CDC42BPG: variants seen among roughly 807,000 people sequenced by gnomAD.
CDC42BPG encodes the protein CDC42 binding protein kinase gamma, also known as serine/threonine-protein kinase MRCK gamma.
CDC42BPG carries 157 observed loss-of-function variants against 192.2 expected under a neutral mutation model. The observed-to-expected ratio is 0.82, with a 90% CI of 0.72 to 0.93. The LOEUF (loss-of-function observed/expected upper bound fraction) is 0.93. CDC42BPG is among the 40% of genes least tolerant of loss of function. The pLI, the probability that CDC42BPG is intolerant of heterozygous loss-of-function variation, is 0.00. For missense variants in CDC42BPG, 1,992 were observed against 2,122.1 expected, an observed-to-expected ratio of 0.94 and a Z score of 1.20; for synonymous variants, 981 against 918.5, an observed-to-expected ratio of 1.07 and a Z score of -1.23.
chr11:64,836,651 A>G, intron 11 of CDC42BPG, 88 bp downstream of exon 11: 1 of 1,070,200 alleles, frequency 9.3e-7, no homozygotes, highest in Non-Finnish European at 1.3e-6. Flanking sequence ...CTCTCCCAGG[A>G]TCATACAGCT....
chr11:64,835,640 G>C lies in CDC42BPG; in HGVS notation c.1759-19C>G. 6.4e-7 allele frequency: 1 copy of C among 1,573,028 alleles called. No individual in the cohort carries two copies. Among genetic ancestry groups the C allele is most frequent in the Non-Finnish European group, 8.6e-7 (1 of 1,158,872 alleles). ...GGATGGTCTTGGGGACATGGAGGGG[G>C]TCAGGGCAGAGACCCAAGATGCCAT... On this transcript the variant is annotated intron_variant, in intron 14 of 36. Transcript: ENST00000342711.
At chr11:64,843,480 G>C (rs1943370668) in intron 1 of CDC42BPG, among the ~76,000 whole-genome samples, 1 of 152,106 alleles carries the variant, frequency 6.6e-6, no homozygotes, top group South Asian at 2.1e-4. Flanking sequence ...GGCACATCTA[G>C]GTGGCAGCCT....
At position 64,844,622 on chromosome 11, in the gene CDC42BPG, G is replaced by C; in HGVS notation, c.-53C>G. The C allele has an allele frequency of 8.2e-7, 1 of 1,215,770 alleles. No homozygotes were observed. Among genetic ancestry groups the C allele is most frequent in the Non-Finnish European group, 1.0e-6 (1 of 974,028 alleles). 75.3% of individuals were successfully genotyped at this position (1,215,770 alleles called of 1,614,324 possible). ...CTACAGTCTGGCCGCCCGCATGCCC[G>C]CCTGTCGGGCCGTCCGTCCGCCCAA... On this transcript the variant is annotated 5_prime_UTR_variant, in exon 1 of 37. Transcript: ENST00000342711.
chr11:64,839,828 G>T (rs1434656022), intron 5 of CDC42BPG, among the ~76,000 whole-genome samples: 1 of 152,160 alleles, frequency 6.6e-6, no homozygotes, highest in East Asian at 1.9e-4. Context: ...GGGGACGCAG[G>T]AGTCAGACTT....
At chr11:64,825,627 G>C (rs1222096040) in intron 36 of CDC42BPG, among the ~76,000 whole-genome samples, 1 of 152,176 alleles carries the variant, frequency 6.6e-6, no homozygotes, top group African/African-American at 2.4e-5. Flanking sequence ...GACGGGAGTG[G>C]GTGGATGTGT....
rs777201350 is a variant in CDC42BPG at position 64,838,626 on chromosome 11, C to A, written c.1125+28G>T. 3 of 1,607,294 alleles carry A rather than the reference C, an allele frequency of 1.9e-6. No individual in the cohort carries two copies. The African/African-American group carries it at 4.0e-5, about 21-fold the overall frequency. On this transcript the variant is annotated intron_variant, in intron 8 of 36. Transcript: ENST00000342711. ...AGCCAACAAGGGGGTAGGGCAGCTC[C>A]CCTCCTGCAGTGGCCTTTGCCACTC... is the stretch of plus-strand genomic sequence containing the variant.
At chr11:64,837,077 C>G in intron 9 of CDC42BPG, 58 bp from the exon 10 acceptor site, 1 of 1,348,828 alleles carries the variant, frequency 7.4e-7, no homozygotes, top group East Asian at 2.3e-5. Flanking sequence ...AGAGTCTCCT[C>G]CATCCTCCTG....
intron 11 of CDC42BPG, 29 bp downstream of exon 11, chr11:64,836,710 G>GGA (rs1555173131): frequency 2.8e-6 from 2 of 704,790 alleles, no homozygotes; most frequent in East Asian, 3.3e-5. Flanking sequence ...CAGCCCTGGG[G>GGA]GGGGGGGGGG....
At position 64,836,136 on chromosome 11, in the gene CDC42BPG, G is replaced by T; in HGVS notation, c.1649C>A (p.Ala550Asp). 6.3e-7 allele frequency: 1 copy of T among 1,599,650 alleles called. No homozygotes were observed. Among genetic ancestry groups the T allele is most frequent in the East Asian group, 2.3e-5 (1 of 44,102 alleles). Residue 550 changes from alanine to aspartate, a missense_variant, in exon 13 of 37, where the codon GCC becomes GAC. By Grantham distance (126) the Ala-to-Asp change is moderately radical. Transcript: ENST00000342711. The stretch of plus-strand genomic sequence containing the variant: ...ACTCACCTCCCTCTGGGCAGCCCGG[G>T]CTTCCTCCAGCTGGGAGCTCAGGGC... Reference protein sequence around the residue: ...TRALSSQLEEARAAQRELEAQ... With the variant: ...TRALSSQLEEDRAAQRELEAQ...
intron 1 of CDC42BPG, 23 bp downstream of exon 1, chr11:64,844,387 C>A: frequency 7.2e-7 from 1 of 1,383,900 alleles, no homozygotes; most frequent in Admixed American, 3.3e-5. Flanking sequence ...CCCGCCCCCG[C>A]TCCGTGCCGC....
rs1942593165 is a variant in CDC42BPG at position 64,829,712 on chromosome 11, G to T, written c.3726C>A (p.Ala1242=). 6.2e-7 allele frequency: 1 copy of T among 1,610,310 alleles called. No homozygotes were observed. The highest frequency in any genetic ancestry group is 1.3e-5 in the African/African-American group (1 of 74,904). The change falls in exon 30 of 37, where the codon GCC becomes GCA. Residue 1242 remains alanine (A), a synonymous_variant. Transcript: ENST00000342711. Reference sequence around the variant, plus strand: ...GCGGGTAGAGTGCAAAGCCACCGGCGGCGCCCACACATAGCCGGTCGCCCA... The same window carrying T: ...GCGGGTAGAGTGCAAAGCCACCGGCTGCGCCCACACATAGCCGGTCGCCCA... ...GLLGDRLCVG[A]AGGFALYPLL...
rs1942824492 is a variant in CDC42BPG, at chr11:64,833,720, G to A, written c.2565+18C>T. On this transcript the variant is annotated intron_variant, in intron 22 of 36. Transcript: ENST00000342711. ...GGGCGGGGCCCAGGCCCCCTACGAT[G>A]GACCCACCTGTCCTCACCCCCATGC... is the stretch of plus-strand genomic sequence containing the variant. 4 of 1,613,748 alleles carry A rather than the reference G, an allele frequency of 2.5e-6. No homozygotes were observed. Among genetic ancestry groups the A allele is most frequent in the Non-Finnish European group, 3.4e-6 (4 of 1,179,906 alleles).
rs1592723217 is a variant in CDC42BPG, at chr11:64,840,462, G to A, written c.432+91C>T. 4 of 1,438,114 alleles carry A rather than the reference G, an allele frequency of 2.8e-6. No homozygotes were observed. The East Asian group carries it at 6.9e-5, about 25-fold the overall frequency. 89.1% of individuals were successfully genotyped at this position (1,438,114 alleles called of 1,614,324 possible). ...AGTGGGAGTCTCTTGGTCCCAAGAGGGGTCTCTCTTTGGGCCCAGTGCCCC... is the reference window on the plus strand; with the variant it reads ...AGTGGGAGTCTCTTGGTCCCAAGAGAGGTCTCTCTTTGGGCCCAGTGCCCC... On this transcript the variant is annotated intron_variant, in intron 4 of 36. Transcript: ENST00000342711.
chr11:64,824,562 G>A (rs1189982455), intron 36 of CDC42BPG, 33 bp from the exon 37 acceptor site: 11 of 1,516,576 alleles, frequency 7.3e-6, no homozygotes, highest in Non-Finnish European at 1.0e-5. Context: ...TCAAGGGGTA[G>A]GATCAGGAAG....
chr11:64,826,453 C>A lies in CDC42BPG; in HGVS notation c.4599+17G>T, dbSNP rs756825767. 5 of 1,570,388 alleles carry A rather than the reference C, an allele frequency of 3.2e-6. No individual in the cohort carries two copies. The highest frequency in any genetic ancestry group is 4.3e-6 in the Non-Finnish European group (5 of 1,153,464). On this transcript the variant is annotated intron_variant, in intron 36 of 36. Coordinates refer to ENST00000342711, the MANE Select transcript of CDC42BPG (RefSeq NM_017525.3). ...ACGTTTGAATAGGGGACGGACAAGC[C>A]TCCCGGACCCGCTCACCTGCATTAG...
intron 18 of CDC42BPG, 131 bp downstream of exon 18, chr11:64,834,718 A>C (rs1218661013): frequency 7.5e-6 from 10 of 1,337,364 alleles, no homozygotes; most frequent in Non-Finnish European, 1.0e-5. Flanking sequence ...CTGTGAGCTC[A>C]GGGAAATCAC....
chr11:64,837,921 C>G (rs1943093051), intron 9 of CDC42BPG, among the ~76,000 whole-genome samples, 162 bp downstream of exon 9: 1 of 152,196 alleles, frequency 6.6e-6, no homozygotes, highest in African/African-American at 2.4e-5. Flanking sequence ...CTGGGTGTGG[C>G]TTCACCAGGA....
Position 64,832,490 on chromosome 11 carries a change from T to C in CDC42BPG, c.3025A>G (p.Thr1009Ala), listed in dbSNP as rs1565678417. 6.2e-7 allele frequency: 1 copy of C among 1,613,970 alleles called. No homozygotes were observed. The highest frequency in any genetic ancestry group is 2.2e-5 in the East Asian group (1 of 44,882). ...LDLRDPQFSA[T>A]PVLASDVIHA... ...ATAACATCAGAGGCCAGGACAGGGG[T>C]AGCCGAGAACTGGGGGTCCCTGGGA... The change falls in exon 27 of 37, where the codon ACC becomes GCC. Residue 1009 changes from threonine to alanine, a missense_variant. Thr to Ala is a moderately conservative substitution (Grantham distance 58). Transcript: ENST00000342711.
chr11:64,840,007 A>G, intron 5 of CDC42BPG, 113 bp downstream of exon 5: 1 of 1,064,398 alleles, frequency 9.4e-7, no homozygotes, highest in Non-Finnish European at 1.4e-6. Flanking sequence ...AGGCACCCAG[A>G]GAAGTGCCTG....
Sources: gnomAD v4.1 joint callset for allele counts (sites outside exome capture counted in the v4.1 genomes callset) on GRCh38, gnomAD v4.1.1 for gene constraint, MANE v1.5 for transcripts, NCBI Gene and HGNC (gene_info 2026-07-23, HGNC 2026-07-21) for gene names.